Variants in ARMC9 observed in about 807,000 individuals in gnomAD.
The protein encoded by ARMC9 is lisH domain-containing protein ARMC9.
In ARMC9, 94 loss-of-function variants were observed where a neutral mutation model predicts 107.0. The ratio of observed to expected loss-of-function variants is 0.88; its 90% CI spans 0.74 to 1.04. The LOEUF is 1.04. Ranked by LOEUF, ARMC9 falls within the 50% of genes least tolerant of loss-of-function variation. The pLI, the probability that ARMC9 is intolerant of heterozygous loss-of-function variation, is 0.00. For synonymous variants in ARMC9, 380 were observed against 396.9 expected, an observed-to-expected ratio of 0.96 and a Z score of 0.51; for missense variants, 942 against 1,030.1, an observed-to-expected ratio of 0.91 and a Z score of 1.17.
At chr2:231,208,971 G>A (rs371921381) in intron 3 of ARMC9, among the ~76,000 whole-genome samples, 2 of 151,806 alleles carry the variant, frequency 1.3e-5, no homozygotes, top group East Asian at 3.9e-4. Context: ...GTACGATCTC[G>A]GCTCATCACC....
At chr2:231,331,207 G>A (rs1187303532) in intron 19 of ARMC9, among the ~76,000 whole-genome samples, 2 of 152,206 alleles carry the variant, frequency 1.3e-5, no homozygotes, top group Non-Finnish European at 2.9e-5. Context: ...CCCCTAGGCA[G>A]TCTGCTTTCA....
At position 231,375,757 on chromosome 2, in the gene ARMC9, G is replaced by A. The variant is rs1019315278; in HGVS notation, c.*4222G>A. Among the ~76,000 whole-genome samples the A allele has an allele frequency of 3.3e-5, 5 of 152,150 alleles. No homozygotes were observed. The East Asian group carries it at 5.8e-4, about 18-fold the overall frequency. On this transcript the variant is annotated 3_prime_UTR_variant, in exon 25 of 25. Coordinates refer to ENST00000611582, the MANE Select transcript of ARMC9 (RefSeq NM_001352754.2). The surrounding 1 kb of genome is among the most constrained non-coding windows in gnomAD (Gnocchi z 4.3). ...GGGCTACAGAGCCCTATCCAGAGTCGTCATCTTAAGGTGTCTACTAAAGCC... is the reference window on the plus strand; with the variant it reads ...GGGCTACAGAGCCCTATCCAGAGTCATCATCTTAAGGTGTCTACTAAAGCC...
chr2:231,318,801 C>T (rs78532113), intron 19 of ARMC9, among the ~76,000 whole-genome samples: 4,810 of 152,304 alleles, frequency 0.032, 248 homozygotes, highest in African/African-American at 0.11. Flanking sequence ...GCCTGACCTA[C>T]TCCTGTTCCA....
At chr2:231,344,324 C>T (rs1346424998) in intron 20 of ARMC9, among the ~76,000 whole-genome samples, 2 of 152,176 alleles carry the variant, frequency 1.3e-5, no homozygotes, top group African/African-American at 4.8e-5. Context: ...TTCTGTCATT[C>T]TTATAATAGT....
intron 12 of ARMC9, among the ~76,000 whole-genome samples, chr2:231,267,199 G>A (rs976171020): frequency 6.6e-6 from 1 of 152,220 alleles, no homozygotes; most frequent in Non-Finnish European, 1.5e-5. Flanking sequence ...ATTGAAAGGT[G>A]GGCCAGGTAC....
chr2:231,200,667 C>G (rs940744552), intron 1 of ARMC9, among the ~76,000 whole-genome samples: 2 of 130,394 alleles, frequency 1.5e-5, no homozygotes, highest in African/African-American at 6.5e-5. Context: ...AAGTGAAACT[C>G]CATCTCAAAA....
chr2:231,277,102 C>A (rs1284689758), intron 15 of ARMC9, among the ~76,000 whole-genome samples: 1 of 152,050 alleles, frequency 6.6e-6, no homozygotes, highest in Non-Finnish European at 1.5e-5. Context: ...GAAGTGTGTT[C>A]CCAAGATACT....
At chr2:231,241,054 C>T (rs927347046) in intron 9 of ARMC9, among the ~76,000 whole-genome samples, 9 of 152,062 alleles carry the variant, frequency 5.9e-5, no homozygotes, top group Non-Finnish European at 1.0e-4. Context: ...AAAAATTAGC[C>T]AAGCGTGGTG....
At chr2:231,270,365 A>C (rs1166218308) in intron 12 of ARMC9, among the ~76,000 whole-genome samples, 1 of 152,196 alleles carries the variant, frequency 6.6e-6, no homozygotes, top group Non-Finnish European at 1.5e-5. Flanking sequence ...GAGTCACATG[A>C]GTGGGATCCA....
intron 17 of ARMC9, among the ~76,000 whole-genome samples, chr2:231,288,090 T>C (rs570859044): frequency 1.3e-5 from 2 of 152,276 alleles, no homozygotes; most frequent in East Asian, 1.9e-4. Flanking sequence ...ACCAAACTCA[T>C]AGGATTGAAA....
chr2:231,310,142 C>T (rs776974864), intron 19 of ARMC9, among the ~76,000 whole-genome samples: 2 of 152,164 alleles, frequency 1.3e-5, no homozygotes, highest in South Asian at 2.1e-4. Flanking sequence ...GGGCCGGGCG[C>T]GGTGGCTCAC....
intron 19 of ARMC9, among the ~76,000 whole-genome samples, chr2:231,315,534 A>G (rs1045912374): frequency 2.0e-5 from 3 of 152,172 alleles, no homozygotes; most frequent in Non-Finnish European, 2.9e-5. Flanking sequence ...GCAAGGCTCC[A>G]TCTCATAAAT....
chr2:231,235,921 T>C (rs2035668993), intron 8 of ARMC9, among the ~76,000 whole-genome samples: 1 of 152,226 alleles, frequency 6.6e-6, no homozygotes, highest in Admixed American at 6.5e-5. Context: ...GTATTACAAA[T>C]GTGAGCCACT....
At chr2:231,302,421 G>A (rs1575008821) in intron 19 of ARMC9, among the ~76,000 whole-genome samples, 1 of 125,634 alleles carries the variant, frequency 8.0e-6, no homozygotes, top group Non-Finnish European at 1.7e-5. Flanking sequence ...ATGAAAAAGT[G>A]TAGCATTGTG....
chr2:231,242,141 G>A (rs1483389845), intron 9 of ARMC9, among the ~76,000 whole-genome samples: 2 of 150,528 alleles, frequency 1.3e-5, no homozygotes, highest in Non-Finnish European at 3.0e-5. Context: ...TTAAAAACAA[G>A]TTCAAATGCT....
intron 5 of ARMC9, among the ~76,000 whole-genome samples, chr2:231,218,034 T>C (rs1298543458): frequency 6.6e-6 from 1 of 152,174 alleles, no homozygotes; most frequent in Non-Finnish European, 1.5e-5. Context: ...GTCACCCAGG[T>C]CACTCTCACT....
intron 9 of ARMC9, among the ~76,000 whole-genome samples, chr2:231,243,035 A>G (rs188376939): frequency 6.6e-6 from 1 of 152,322 alleles, no homozygotes; most frequent in East Asian, 1.9e-4. Flanking sequence ...TGACAAGGTC[A>G]GGAGATCGAG....
At chr2:231,329,116 C>T (rs553165503) in intron 19 of ARMC9, among the ~76,000 whole-genome samples, 159 of 152,024 alleles carry the variant, frequency 1.0e-3, no homozygotes, top group African/African-American at 3.3e-3. Flanking sequence ...CCACCGCGCC[C>T]GGCCAACGTG....
At chr2:231,205,106 G>A (rs2031762077) in intron 1 of ARMC9, among the ~76,000 whole-genome samples, 1 of 151,812 alleles carries the variant, frequency 6.6e-6, no homozygotes, top group South Asian at 2.1e-4. Flanking sequence ...GGTGGCTCAC[G>A]CCTATAATCC....
Sources: allele counts gnomAD v4.1 joint callset (sites outside exome capture counted in the v4.1 genomes callset), GRCh38; gene constraint gnomAD v4.1.1; non-coding constraint Gnocchi (gnomAD v3.1); transcripts MANE v1.5; gene names NCBI Gene and HGNC (gene_info 2026-07-23, HGNC 2026-07-21).